Variants in HGSNAT observed in about 807,000 individuals in gnomAD.
The protein encoded by HGSNAT is transmembrane protein 76.
Under a neutral mutation model 85.2 loss-of-function variants are expected in HGSNAT, and 59 were observed. The ratio of observed to expected loss-of-function variants is 0.69; its 90% CI spans 0.56 to 0.86. The LOEUF is 0.86. HGSNAT is among the 40% of genes least tolerant of loss of function. HGSNAT has a pLI of 0.00. For missense variants in HGSNAT, 756 were observed against 777.1 expected (o/e 0.97, Z 0.32); for synonymous variants, 321 against 304.5 (o/e 1.05, Z -0.56).
intron 1 of HGSNAT, among the ~76,000 whole-genome samples, chr8:43,141,477 C>T (rs1315453861): frequency 6.6e-6 from 1 of 152,150 alleles, no homozygotes; most frequent in Non-Finnish European, 1.5e-5. Context: ...AGGTCTCCAT[C>T]TAGACCCCTG....
intron 1 of HGSNAT, among the ~76,000 whole-genome samples, chr8:43,146,734 C>T (rs753768035): frequency 6.6e-6 from 1 of 151,628 alleles, no homozygotes; most frequent in Non-Finnish European, 1.5e-5. Flanking sequence ...TGTGTGTGTG[C>T]ACATGCATGC....
chr8:43,168,221 G>T (rs1436308111), intron 5 of HGSNAT, among the ~76,000 whole-genome samples: 1 of 151,454 alleles, frequency 6.6e-6, no homozygotes, highest in Non-Finnish European at 1.5e-5. Flanking sequence ...GCCCAGCCTG[G>T]ATCATTTTGA....
chr8:43,190,455 C>G (rs1438100092), intron 11 of HGSNAT, among the ~76,000 whole-genome samples: 1 of 152,130 alleles, frequency 6.6e-6, no homozygotes, highest in Non-Finnish European at 1.5e-5. Context: ...CCCCTCTGCC[C>G]TTGTCATTAA....
chr8:43,155,028 T>G (rs1803048325), intron 2 of HGSNAT, among the ~76,000 whole-genome samples: 1 of 152,228 alleles, frequency 6.6e-6, no homozygotes, highest in South Asian at 2.1e-4. Flanking sequence ...CGCCCACTTG[T>G]TGATGGGGTT....
chr8:43,145,806 G>A (rs1320087257), intron 1 of HGSNAT, among the ~76,000 whole-genome samples: 1 of 152,072 alleles, frequency 6.6e-6, no homozygotes. Context: ...TCATGATTCT[G>A]CCATTCAAAT....
At chr8:43,142,554 T>TCTAGCTGTGGTTCC (rs1329767282) in intron 1 of HGSNAT, among the ~76,000 whole-genome samples, 95 of 152,342 alleles carry the variant, frequency 6.2e-4, no homozygotes, top group African/African-American at 2.2e-3. Context: ...TCTGACAGTC[T>TCTAGCTGTGGTTCC]CTAGCTGTGG....
intron 2 of HGSNAT, among the ~76,000 whole-genome samples, chr8:43,157,041 T>C (rs1252447803): frequency 1.3e-5 from 2 of 152,204 alleles, no homozygotes; most frequent in Admixed American, 1.3e-4. Flanking sequence ...CAGATTAGTA[T>C]GGCTATATTA....
At chr8:43,161,610 T>C (rs1803271265) in intron 5 of HGSNAT, 103 bp downstream of exon 5, 3 of 761,030 alleles carry the variant, frequency 3.9e-6, no homozygotes, top group Non-Finnish European at 4.2e-6. Flanking sequence ...TTCGATGATA[T>C]GAACATTTCT....
intron 1 of HGSNAT, among the ~76,000 whole-genome samples, chr8:43,145,078 G>T (rs750608307): frequency 1.3e-5 from 2 of 152,216 alleles, no homozygotes; most frequent in Non-Finnish European, 2.9e-5. Flanking sequence ...GAAATGTTTA[G>T]ATCATAGGCC....
At chr8:43,199,103 G>A (rs962769006) in intron 17 of HGSNAT, among the ~76,000 whole-genome samples, 2 of 152,212 alleles carry the variant, frequency 1.3e-5, no homozygotes, top group South Asian at 2.1e-4. Flanking sequence ...GTTTCATCAC[G>A]TTGGCCAGGC....
intron 17 of HGSNAT, among the ~76,000 whole-genome samples, chr8:43,198,368 A>G (rs1425590269): frequency 6.9e-6 from 1 of 145,364 alleles, no homozygotes; most frequent in Non-Finnish European, 1.5e-5. Context: ...GCTCACTGCA[A>G]GCTCCGCTTC....
chr8:43,158,376 G>C (rs1803159351), intron 2 of HGSNAT, among the ~76,000 whole-genome samples, 199 bp from the exon 3 acceptor site: 1 of 152,194 alleles, frequency 6.6e-6, no homozygotes, highest in African/African-American at 2.4e-5. Flanking sequence ...GGGATTACAG[G>C]TATGAGCCAC....
rs1803185644 is a variant in HGSNAT, at chr8:43,159,037, T to C, written c.486T>C (p.Ser162=). The stretch of plus-strand genomic sequence containing the variant: ...CTGTGAACGAGGATCCAGTTGATAG[T>C]AACCTTCGTACGTATATGTTCTCTG... ...DLAVNEDPVD[S]NLPVSIAFLI... Residue 162 remains serine (S), a synonymous_variant, in exon 4 of 18, where the codon AGT becomes AGC. Coordinates refer to ENST00000379644, the MANE Select transcript of HGSNAT (RefSeq NM_152419.3). The C allele has an allele frequency of 1.2e-6, 2 of 1,613,596 alleles. No individual in the cohort carries two copies. Among genetic ancestry groups the C allele is most frequent in the Non-Finnish European group, 8.5e-7 (1 of 1,179,798 alleles).
chr8:43,165,161 G>A (rs1218728839), intron 5 of HGSNAT, among the ~76,000 whole-genome samples: 1 of 143,768 alleles, frequency 7.0e-6, no homozygotes, highest in Admixed American at 7.4e-5. Context: ...CTCACTTCTT[G>A]TCTTTGCATT....
chr8:43,189,623 TG>T (rs1195124368), intron 11 of HGSNAT, among the ~76,000 whole-genome samples: 1 of 152,206 alleles, frequency 6.6e-6, no homozygotes, highest in African/African-American at 2.4e-5. Flanking sequence ...ACCCACTGTC[TG>T]ACAAGCCCCA....
chr8:43,153,543 C>T (rs1001301149), intron 2 of HGSNAT, among the ~76,000 whole-genome samples: 1 of 152,080 alleles, frequency 6.6e-6, no homozygotes, highest in East Asian at 1.9e-4. Flanking sequence ...ATTTCCATCA[C>T]CAAAACACTT....
intron 11 of HGSNAT, among the ~76,000 whole-genome samples, chr8:43,185,179 C>T (rs1804264765): frequency 6.6e-6 from 1 of 152,150 alleles, no homozygotes; most frequent in Non-Finnish European, 1.5e-5. Flanking sequence ...TGAAGAAAGT[C>T]ATTGGTAGCT....
chr8:43,194,349 G>C (rs1298575701), intron 14 of HGSNAT: 3 of 963,290 alleles, frequency 3.1e-6, no homozygotes, highest in Admixed American at 1.2e-4. Flanking sequence ...AGTGAGCCTT[G>C]ATTGCACCAC....
intron 1 of HGSNAT, among the ~76,000 whole-genome samples, chr8:43,141,236 G>T (rs1376869424): frequency 6.6e-6 from 1 of 152,162 alleles, no homozygotes; most frequent in Non-Finnish European, 1.5e-5. Context: ...GGTCCCGGGC[G>T]AGCCCTCCGC....
Sources: gnomAD v4.1 joint callset for allele counts (sites outside exome capture counted in the v4.1 genomes callset) on GRCh38, gnomAD v4.1.1 for gene constraint, MANE v1.5 for transcripts, NCBI Gene and HGNC (gene_info 2026-07-23, HGNC 2026-07-21) for gene names.